Variants in MTMR9 observed in about 807,000 individuals in gnomAD.
MTMR9 encodes myotubularin related protein 9.
In MTMR9, 39 loss-of-function variants were observed where a neutral mutation model predicts 69.5. That is an observed-to-expected ratio of 0.56 (90% CI 0.43 to 0.73). MTMR9 has a LOEUF of 0.73. Ranked by LOEUF, MTMR9 falls within the 30% of genes least tolerant of loss-of-function variation. The probability of loss-of-function intolerance (pLI) is 0.00; values close to 1 mark genes in which losing one functional copy is unlikely to be tolerated. For missense variants in MTMR9, 900 were observed against 671.2 expected (o/e 1.34, Z -3.77); for synonymous variants, 354 against 240.8 (o/e 1.47, Z -4.35).
At chr8:11,296,587 C>G (rs570654117) in intron 2 of MTMR9, among the ~76,000 whole-genome samples, 2 of 152,264 alleles carry the variant, frequency 1.3e-5, no homozygotes, top group African/African-American at 4.8e-5. Context: ...TTCTGTTTCT[C>G]TGAATTTGAC....
chr8:11,323,594 A>T lies in MTMR9; in HGVS notation c.*806A>T, dbSNP rs1202771555. 6.6e-6 allele frequency: 1 copy of T among 152,262 alleles called. No homozygotes were observed. The highest frequency in any genetic ancestry group is 2.4e-5 in the African/African-American group (1 of 41,476). The allele number at this position is 152,262 out of a possible 1,614,324, so 9.4% of individuals were successfully genotyped here. On this transcript the variant is annotated 3_prime_UTR_variant, in exon 10 of 10. Transcript: ENST00000221086. ...TGTTTCAAATGCTGCTTGTAAAATT[A>T]AACCATCATCTAGAATAGAGTTAAT...
chr8:11,298,911 C>G, intron 2 of MTMR9: 1 of 979,006 alleles, frequency 1.0e-6, no homozygotes, highest in East Asian at 1.1e-4. Context: ...AGAGTTATTG[C>G]CCCCATTTGA....
At chr8:11,336,861 T>C in the MTMR9 span, among the ~76,000 whole-genome samples, 14 of 152,124 alleles carry the variant, frequency 9.2e-5, no homozygotes, top group Non-Finnish European at 1.6e-4. Context: ...CACTATACCA[T>C]TTCCACTTGG....
chr8:11,331,812 C>T (rs568560257), downstream of MTMR9: 1 of 1,611,922 alleles, frequency 6.2e-7, no homozygotes, highest in African/African-American at 1.3e-5. Context: ...GGGCTGTGTG[C>T]CAGGCCTCTT....
downstream of MTMR9, chr8:11,331,610 A>C: frequency 1.2e-6 from 2 of 1,613,128 alleles, no homozygotes; most frequent in Non-Finnish European, 8.5e-7. Context: ...GCATCCTAGG[A>C]CTAATCATCA....
In MTMR9 at chr8:11,325,683, A is replaced by G. The variant is rs1167166564; in HGVS notation, c.*2895A>G. On this transcript the variant is annotated 3_prime_UTR_variant, in exon 10 of 10. Coordinates refer to ENST00000221086, the MANE Select transcript of MTMR9 (RefSeq NM_015458.4). ...TTTTTTTTTTTTTAATCAGAAGAAC[A>G]TTGTTGTTTGATTATATGTTTTTAA... 1 of 151,378 alleles carries G rather than the reference A, an allele frequency of 6.6e-6. No homozygotes were observed. Among genetic ancestry groups the G allele is most frequent in the Non-Finnish European group, 1.5e-5 (1 of 67,900 alleles). The allele number at this position is 151,378 out of a possible 1,614,324, so 9.4% of individuals were successfully genotyped here.
intron 1 of MTMR9, among the ~76,000 whole-genome samples, chr8:11,288,240 T>A (rs1799254458): frequency 7.3e-6 from 1 of 137,304 alleles, no homozygotes; most frequent in South Asian, 2.1e-4. Context: ...TATATAATAA[T>A]AATAATTATA....
the MTMR9 span, among the ~76,000 whole-genome samples, chr8:11,333,635 A>T: frequency 6.6e-6 from 1 of 152,224 alleles, no homozygotes; most frequent in Non-Finnish European, 1.5e-5. Flanking sequence ...TTAGTTTATA[A>T]CATCAGTTTT....
Position 11,319,774 on chromosome 8 carries a change from C to G in MTMR9, c.1422C>G (p.Leu474=). The change falls in exon 9 of 10, where the codon CTC becomes CTG. Residue 474 remains leucine (L), a synonymous_variant. Coordinates refer to ENST00000221086, the MANE Select transcript of MTMR9 (RefSeq NM_015458.4). ...PSELSKFTNP[L]FEANNLVIWP... ...AGCTGAGTAAATTCACCAATCCCCT[C>G]TTTGAAGCCAACAACCTTGTCATCT... The G allele has an allele frequency of 1.9e-6, 3 of 1,614,212 alleles. No individual in the cohort carries two copies. Among genetic ancestry groups the G allele is most frequent in the Non-Finnish European group, 2.5e-6 (3 of 1,180,016 alleles).
intron 2 of MTMR9, chr8:11,298,633 G>T: frequency 2.2e-6 from 1 of 450,208 alleles, no homozygotes; most frequent in Non-Finnish European, 2.9e-6. Context: ...CATTGCTGTT[G>T]GGCCTTCTCC....
chr8:11,306,493 T>A (rs1195707446), intron 5 of MTMR9, 86 bp downstream of exon 5: 2 of 1,189,840 alleles, frequency 1.7e-6, no homozygotes, highest in African/African-American at 1.6e-5. Flanking sequence ...TCACAAGTGC[T>A]CAAATTAACT....
chr8:11,334,919 G>A, the MTMR9 span, among the ~76,000 whole-genome samples: 6 of 152,154 alleles, frequency 3.9e-5, no homozygotes, highest in Admixed American at 6.5e-5. Flanking sequence ...AGTAAACTAG[G>A]AATAGAGTGG....
At chr8:11,286,726 CTCAG>C (rs1423100865) in intron 1 of MTMR9, among the ~76,000 whole-genome samples, 7 of 151,508 alleles carry the variant, frequency 4.6e-5, no homozygotes, top group Non-Finnish European at 7.4e-5. Context: ...ATCTAAACCC[CTCAG>C]TCATTCATGG....
chr8:11,306,948 A>C (rs1222203162), intron 5 of MTMR9, among the ~76,000 whole-genome samples: 10 of 152,186 alleles, frequency 6.6e-5, no homozygotes, highest in Non-Finnish European at 1.0e-4. Context: ...TTTAGATTCC[A>C]CATATAAGTG....
chr8:11,338,118 A>G, the MTMR9 span, among the ~76,000 whole-genome samples: 20 of 152,348 alleles, frequency 1.3e-4, no homozygotes, highest in South Asian at 3.9e-3. Context: ...CTGTCCCATG[A>G]CTCAGAATTT....
rs558748030 is a variant in MTMR9 at position 11,304,889 on chromosome 8, C to G, written c.466C>G (p.Pro156Ala). ...TGTCAATAAGGAATTTGCTGTCTGT[C>G]CCTCTTACCCACCAATTGTCACAGT... ...SYVNKEFAVC[P>A]SYPPIVTVPK... is the part of the protein sequence containing the mutation. Residue 156 changes from proline to alanine, a missense_variant, in exon 4 of 10, where the codon CCC (proline) becomes GCC (alanine). Transcript: ENST00000221086. 3.5e-4 allele frequency: 557 copies of G among 1,614,080 alleles called. 6 individuals are homozygous for G. The South Asian group carries it at 5.7e-3, about 17-fold the overall frequency.
downstream of MTMR9, among the ~76,000 whole-genome samples, chr8:11,333,022 T>G (rs1801292884): frequency 6.6e-6 from 1 of 152,226 alleles, no homozygotes. Flanking sequence ...ACTTCAAGAC[T>G]TGTAGGATAC....
chr8:11,294,273 A>G (rs1443698582), intron 1 of MTMR9, among the ~76,000 whole-genome samples: 3 of 152,084 alleles, frequency 2.0e-5, no homozygotes, highest in African/African-American at 7.2e-5. Context: ...TGTTGACTAG[A>G]AGTGGTGACA....
rs1389616718 is a variant in MTMR9 at position 11,322,690 on chromosome 8, A to G, written c.1552A>G (p.Ile518Val). Residue 518 changes from isoleucine to valine, a missense_variant, in exon 10 of 10, where the codon ATC becomes GTC. Ile to Val is a conservative substitution (Grantham distance 29). Coordinates refer to ENST00000221086, the MANE Select transcript of MTMR9 (RefSeq NM_015458.4). ...LDEAYEEMVN[I>V]IEYNKELQAK... ...TGAAGCATATGAAGAAATGGTTAAC[A>G]TCATTGAATATAATAAAGAATTACA... 2 of 1,613,976 alleles carry G rather than the reference A, an allele frequency of 1.2e-6. No homozygotes were observed. The highest frequency in any genetic ancestry group is 1.7e-5 in the Admixed American group (1 of 60,022).
Sources: gnomAD v4.1 joint callset for allele counts (sites outside exome capture counted in the v4.1 genomes callset) on GRCh38, gnomAD v4.1.1 for gene constraint, MANE v1.5 for transcripts, NCBI Gene and HGNC (gene_info 2026-07-23, HGNC 2026-07-21) for gene names.